ARHGEF28: variants seen among roughly 807,000 people sequenced by gnomAD.
ARHGEF28 encodes 190 kDa guanine nucleotide exchange factor.
In ARHGEF28, 152 loss-of-function variants were observed where a neutral mutation model predicts 206.6. The ratio of observed to expected loss-of-function variants is 0.74; its 90% CI spans 0.64 to 0.84. The LOEUF (loss-of-function observed/expected upper bound fraction) is 0.84, where lower values mean the gene tolerates loss of function less well. ARHGEF28 is among the 40% of genes least tolerant of loss of function. The pLI is 0.00. For synonymous variants in ARHGEF28, 763 were observed against 776.4 expected, an observed-to-expected ratio of 0.98 and a Z score of 0.29; for missense variants, 2,028 against 2,073.2, an observed-to-expected ratio of 0.98 and a Z score of 0.42.
intron 1 of ARHGEF28, among the ~76,000 whole-genome samples, chr5:73,629,208 G>T (rs141588922): frequency 2.0e-5 from 3 of 151,916 alleles, no homozygotes; most frequent in Non-Finnish European, 2.9e-5. Flanking sequence ...AAGACATTTG[G>T]CTGGCCAGGG....
At chr5:73,773,458 C>T (rs1354702479) in intron 4 of ARHGEF28, among the ~76,000 whole-genome samples, 1 of 152,200 alleles carries the variant, frequency 6.6e-6, no homozygotes, top group Non-Finnish European at 1.5e-5. Context: ...CCTCTAAAAG[C>T]CTCCCTGCCT....
chr5:73,889,269 G>T (rs1225110716), intron 26 of ARHGEF28, among the ~76,000 whole-genome samples: 1 of 152,190 alleles, frequency 6.6e-6, no homozygotes, highest in Non-Finnish European at 1.5e-5. Context: ...TTGTCTTGCT[G>T]CATGTTACAG....
chr5:73,722,050 T>C (rs1470815281), intron 2 of ARHGEF28, among the ~76,000 whole-genome samples: 1 of 152,194 alleles, frequency 6.6e-6, no homozygotes, highest in Non-Finnish European at 1.5e-5. Flanking sequence ...GATCTTTTGC[T>C]GCTATTCAGT....
chr5:73,666,462 G>A (rs1745961872), intron 1 of ARHGEF28, among the ~76,000 whole-genome samples: 2 of 152,140 alleles, frequency 1.3e-5, no homozygotes, highest in Admixed American at 6.5e-5. Flanking sequence ...CTCTTTGGTG[G>A]CTCCATTCCT....
chr5:73,685,183 T>A (rs766949998), intron 2 of ARHGEF28, among the ~76,000 whole-genome samples: 1 of 152,214 alleles, frequency 6.6e-6, no homozygotes, highest in Non-Finnish European at 1.5e-5. Flanking sequence ...TATGATAATA[T>A]CCTGATAATA....
chr5:73,670,316 G>A (rs1229020526), intron 1 of ARHGEF28, among the ~76,000 whole-genome samples: 1 of 152,164 alleles, frequency 6.6e-6, no homozygotes, highest in Non-Finnish European at 1.5e-5. Flanking sequence ...GTTCTCGTAT[G>A]TATCAATAGT....
chr5:73,823,197 G>C (rs537516387), intron 9 of ARHGEF28, among the ~76,000 whole-genome samples: 1 of 152,308 alleles, frequency 6.6e-6, no homozygotes, highest in African/African-American at 2.4e-5. Context: ...ATATAGTAAT[G>C]ACTCATGCAG....
intron 11 of ARHGEF28, among the ~76,000 whole-genome samples, chr5:73,845,986 C>CAAAAAAA (rs57600570): frequency 4.7e-5 from 3 of 63,762 alleles, no homozygotes; most frequent in Non-Finnish European, 6.8e-5. Flanking sequence ...AAAACTGTCT[C>CAAAAAAA]AAAAAAAAAA....
At chr5:73,808,745 T>C (rs916857996) in intron 9 of ARHGEF28, among the ~76,000 whole-genome samples, 1 of 152,176 alleles carries the variant, frequency 6.6e-6, no homozygotes, top group African/African-American at 2.4e-5. Context: ...AGGAACAATG[T>C]CTAGTAGTAT....
rs755512341 is a variant in ARHGEF28, at chr5:73,901,247, T to C, written c.4037T>C (p.Val1346Ala). The change falls in exon 31 of 36, where the codon GTG becomes GCG. Residue 1346 changes from valine to alanine, a missense_variant. Physicochemically the swap from Val to Ala is moderately conservative, Grantham distance 64. Coordinates refer to ENST00000513042, the MANE Select transcript of ARHGEF28 (RefSeq NM_001177693.2). The stretch of plus-strand genomic sequence containing the variant: ...GATGTGGATCCCGGGATCCAGGGTG[T>C]GGTAACCGACTTGGCCGTCTCTGAT... Reference protein sequence around the residue: ...CSDVDPGIQGVVTDLAVSDAG... With the variant: ...CSDVDPGIQGAVTDLAVSDAG... 1 of 1,613,362 alleles carries C rather than the reference T, an allele frequency of 6.2e-7. No homozygotes were observed.
chr5:73,656,859 T>C (rs1198837112), intron 1 of ARHGEF28, among the ~76,000 whole-genome samples: 1 of 152,138 alleles, frequency 6.6e-6, no homozygotes, highest in East Asian at 1.9e-4. Flanking sequence ...ATACTGGCCT[T>C]CTTGCTGCTC....
Position 73,901,198 on chromosome 5 carries a change from G to A in ARHGEF28, c.3988G>A (p.Gly1330Arg), listed in dbSNP as rs1762248240. Reference protein sequence around the residue: ...GSPTASLVTGGREGRGCSDVD... With the variant: ...GSPTASLVTGRREGRGCSDVD... Reference sequence around the variant, plus strand: ...CGTGCTTCCAGCATTAGTCACAGGAGGGAGAGAAGGAAGAGGCTGTTCGGA... The same window carrying A: ...CGTGCTTCCAGCATTAGTCACAGGAAGGAGAGAAGGAAGAGGCTGTTCGGA... The change falls in exon 31 of 36, where the codon GGG (glycine) becomes AGG (arginine). Residue 1330 changes from glycine (G) to arginine (R), a missense_variant. By Grantham distance (125) the Gly-to-Arg change is moderately radical. This residue lies in a region of ARHGEF28 where 803 missense variants were observed against 768.0 expected (regional missense o/e 1.05). Transcript: ENST00000513042. 4 of 1,613,210 alleles carry A rather than the reference G, an allele frequency of 2.5e-6. No homozygotes were observed. Among genetic ancestry groups the A allele is most frequent in the South Asian group, 2.2e-5 (2 of 90,834 alleles).
Position 73,752,983 on chromosome 5 carries a change from T to C in ARHGEF28, c.256T>C (p.Ser86Pro). Reference protein sequence around the residue: ...SEGYSPVTMGSGSVTYVDNMA... With the variant: ...SEGYSPVTMGPGSVTYVDNMA... Reference sequence around the variant, plus strand: ...AGGTTACTCTCCGGTGACCATGGGCTCTGGCTCAGTGACCTACGTGGACAA... The same window carrying C: ...AGGTTACTCTCCGGTGACCATGGGCCCTGGCTCAGTGACCTACGTGGACAA... Residue 86 changes from serine to proline, a missense_variant, in exon 4 of 36, where the codon TCT becomes CCT. Ser to Pro is a moderately conservative substitution (Grantham distance 74). This residue lies in a region of ARHGEF28 where 1,002 missense variants were observed against 1,015.3 expected (regional missense o/e 0.99). Coordinates refer to ENST00000513042, the MANE Select transcript of ARHGEF28 (RefSeq NM_001177693.2). 1 of 1,613,808 alleles carries C rather than the reference T, an allele frequency of 6.2e-7. No homozygotes were observed. Among genetic ancestry groups the C allele is most frequent in the Non-Finnish European group, 8.5e-7 (1 of 1,179,806 alleles).
At chr5:73,868,369 C>T in intron 20 of ARHGEF28, 142 bp downstream of exon 20, 1 of 1,107,292 alleles carries the variant, frequency 9.0e-7, no homozygotes, top group Non-Finnish European at 1.2e-6. Flanking sequence ...GGTATAGGTT[C>T]TACTTTTTAA....
chr5:73,663,357 G>C (rs1745738768), intron 1 of ARHGEF28, among the ~76,000 whole-genome samples: 1 of 152,208 alleles, frequency 6.6e-6, no homozygotes, highest in Non-Finnish European at 1.5e-5. Context: ...TAGGCACCGA[G>C]TGCTGGATCT....
At chr5:73,791,744 A>G (rs1754496631) in intron 7 of ARHGEF28, among the ~76,000 whole-genome samples, 1 of 152,166 alleles carries the variant, frequency 6.6e-6, no homozygotes, top group South Asian at 2.1e-4. Flanking sequence ...AGTAAACATA[A>G]GTCTTAGAGA....
At chr5:73,926,293 G>A (rs1342840527) in intron 35 of ARHGEF28, among the ~76,000 whole-genome samples, 1 of 152,188 alleles carries the variant, frequency 6.6e-6, no homozygotes, top group Non-Finnish European at 1.5e-5. Flanking sequence ...AAAAACAAGA[G>A]AGACATAGCT....
chr5:73,689,400 T>C (rs1747677079), intron 2 of ARHGEF28, among the ~76,000 whole-genome samples: 1 of 152,200 alleles, frequency 6.6e-6, no homozygotes, highest in Non-Finnish European at 1.5e-5. Flanking sequence ...TGGAGTGCAC[T>C]GGCATGATCT....
At position 73,926,032 on chromosome 5, in the gene ARHGEF28, A is replaced by C. The variant is rs1763781931; in HGVS notation, c.4948+14457A>C. ...AACTGTGCAACAGCTTTATACTGTG[A>C]AATAGTGATTGTCCTGACTACAAAC... On this transcript the variant is annotated intron_variant, in intron 35 of 35. Coordinates refer to ENST00000513042, the MANE Select transcript of ARHGEF28 (RefSeq NM_001177693.2). Among the ~76,000 whole-genome samples, 3 of 152,352 alleles carry C rather than the reference A, an allele frequency of 2.0e-5. No individual in the cohort carries two copies. In the South Asian group the frequency reaches 6.2e-4, roughly 32 times the overall value.
Sources: gnomAD v4.1 joint callset for allele counts (sites outside exome capture counted in the v4.1 genomes callset) on GRCh38, gnomAD v4.1.1 for gene constraint, gnomAD v4.1.1 regional missense constraint, MANE v1.5 for transcripts, NCBI Gene and HGNC (gene_info 2026-07-23, HGNC 2026-07-21) for gene names.